RBFOX1: variants seen among roughly 807,000 people sequenced by gnomAD.
The protein encoded by RBFOX1 is RNA binding fox-1 homolog 1, also known as RNA binding protein fox-1 homolog 1.
RBFOX1 carries 8 observed loss-of-function variants against 57.7 expected under a neutral mutation model. That is an observed-to-expected ratio of 0.14 (90% CI 0.08 to 0.25). The LOEUF (loss-of-function observed/expected upper bound fraction) is 0.25. Ranked by LOEUF, RBFOX1 falls within the 10% of genes least tolerant of loss-of-function variation. The pLI is 1.00. For missense variants in RBFOX1, 611 were observed against 548.5 expected (o/e 1.11, Z -1.14); for synonymous variants, 326 against 222.4 (o/e 1.47, Z -4.15).
At chr16:5,520,953 A>C (rs1345216253) in intron 2 of RBFOX1, among the ~76,000 whole-genome samples, 1 of 152,174 alleles carries the variant, frequency 6.6e-6, no homozygotes, top group African/African-American at 2.4e-5. Context: ...GCCACAGCCA[A>C]CTGCAGCCTG....
intron 4 of RBFOX1, among the ~76,000 whole-genome samples, chr16:5,911,591 G>T (rs1455711221): frequency 6.6e-6 from 1 of 152,198 alleles, no homozygotes; most frequent in African/African-American, 2.4e-5. Flanking sequence ...TCTGACGGGG[G>T]GTGCGGAGGC....
chr16:6,249,885 G>A (rs1451726318), intron 1 of RBFOX1, among the ~76,000 whole-genome samples: 3 of 150,816 alleles, frequency 2.0e-5, no homozygotes, highest in Non-Finnish European at 4.4e-5. Context: ...GTAACTCGTC[G>A]TTTAACATTA....
chr16:7,545,022 C>T (rs1384448249), intron 5 of RBFOX1, among the ~76,000 whole-genome samples: 2 of 152,172 alleles, frequency 1.3e-5, no homozygotes, highest in African/African-American at 2.4e-5. Flanking sequence ...CTAAGCCGAG[C>T]AGTACAGTGA....
At chr16:6,601,658 T>C (rs1455394805) in intron 2 of RBFOX1, among the ~76,000 whole-genome samples, 3 of 152,116 alleles carry the variant, frequency 2.0e-5, no homozygotes. Context: ...CAGAGGTACA[T>C]ATTAAAAAGA....
intron 1 of RBFOX1, among the ~76,000 whole-genome samples, chr16:5,419,776 A>G (rs1192855831): frequency 6.6e-6 from 1 of 151,888 alleles, no homozygotes; most frequent in African/African-American, 2.4e-5. Flanking sequence ...CAGAAGGAGA[A>G]GTTGGAGAGA....
chr16:6,132,051 A>C (rs1024902997), intron 1 of RBFOX1, among the ~76,000 whole-genome samples: 1 of 152,214 alleles, frequency 6.6e-6, no homozygotes, highest in Non-Finnish European at 1.5e-5. Flanking sequence ...TATTTTGCCA[A>C]ATAGAAGCTT....
intron 3 of RBFOX1, among the ~76,000 whole-genome samples, chr16:5,726,783 C>G (rs966266371): frequency 6.6e-6 from 1 of 152,212 alleles, no homozygotes; most frequent in African/African-American, 2.4e-5. Context: ...TTATTGTTCG[C>G]TACATGCCAC....
At chr16:5,599,750 A>G (rs935118260) in exon 3 of RBFOX1, 3 of 153,762 alleles carry the variant, frequency 2.0e-5, no homozygotes, top group South Asian at 4.1e-4. Flanking sequence ...AAAGTTTAAC[A>G]TAAAGTGAGT....
intron 3 of RBFOX1, among the ~76,000 whole-genome samples, chr16:6,698,202 A>G (rs564463133): frequency 1.3e-5 from 2 of 152,304 alleles, no homozygotes; most frequent in African/African-American, 4.8e-5. Flanking sequence ...TCGTGCTCCA[A>G]TTTGACAATT....
chr16:7,127,438 C>G (rs977862552), intron 4 of RBFOX1, among the ~76,000 whole-genome samples: 4 of 152,154 alleles, frequency 2.6e-5, no homozygotes, highest in Non-Finnish European at 5.9e-5. Context: ...CTTATATATA[C>G]TGTTATGTCA....
intron 4 of RBFOX1, among the ~76,000 whole-genome samples, chr16:7,448,066 A>C (rs1263087499): frequency 2.0e-5 from 3 of 152,210 alleles, no homozygotes; most frequent in African/African-American, 7.2e-5. Context: ...TGACTAATCT[A>C]AGGGCCACTG....
In RBFOX1 at chr16:6,092,009, A is replaced by G. The variant is rs537702631; in HGVS notation, c.-127+72017A>G. On this transcript the variant is annotated intron_variant, in intron 1 of 15. Transcript: ENST00000550418. ...CATCCACTCATTCCTCCATCTATCT[A>G]CCTACCTGTTCACACATCCACCTAT... Among the ~76,000 whole-genome samples, 251 of 152,060 alleles carry G rather than the reference A, an allele frequency of 1.7e-3. 1 individual carries two copies. The highest frequency in any genetic ancestry group is 3.0e-3 in the Non-Finnish European group (201 of 67,988).
chr16:5,387,558 A>G (rs1477390175), intron 1 of RBFOX1, among the ~76,000 whole-genome samples: 1 of 152,170 alleles, frequency 6.6e-6, no homozygotes, highest in Non-Finnish European at 1.5e-5. Flanking sequence ...GGAATTCCTG[A>G]TATTATATAA....
In RBFOX1 at chr16:5,617,064, C is replaced by T. The variant is rs902966199; in HGVS notation, c.318+18103C>T. On this transcript the variant is annotated intron_variant, in intron 3 of 19. Transcript: ENST00000641259. ...GCGGTTGCTGAGGGGTTGAAATTTC[C>T]CTCAGATCTAGCCATCCATTCCCTC... 4.4e-4 allele frequency among the ~76,000 whole-genome samples: 67 copies of T among 151,998 alleles called. 1 individual carries two copies. Among genetic ancestry groups the T allele is most frequent in the African/African-American group, 1.6e-3 (67 of 41,444 alleles).
At chr16:5,798,687 C>G (rs2151748428) in intron 3 of RBFOX1, among the ~76,000 whole-genome samples, 1 of 152,322 alleles carries the variant, frequency 6.6e-6, no homozygotes, top group Middle Eastern at 3.4e-3. Flanking sequence ...AAGGGACCTT[C>G]TGTTTACTTT....
At position 7,232,980 on chromosome 16, in the gene RBFOX1, C is replaced by G. The variant is rs540759277; in HGVS notation, c.27+180882C>G. Among the ~76,000 whole-genome samples the G allele has an allele frequency of 4.6e-5, 7 of 152,256 alleles. No homozygotes were observed. The South Asian group carries it at 1.0e-3, about 23-fold the overall frequency. On this transcript the variant is annotated intron_variant, in intron 4 of 15. Coordinates refer to ENST00000550418, the MANE Select transcript of RBFOX1 (RefSeq NM_018723.4). ...ACTTGTTCTTCTTTCCCTCTCCACA[C>G]CGGTGATTGTTGTCACCCTGCTTTC...
At chr16:6,591,169 G>T (rs906647390) in intron 2 of RBFOX1, among the ~76,000 whole-genome samples, 1 of 152,214 alleles carries the variant, frequency 6.6e-6, no homozygotes, top group Non-Finnish European at 1.5e-5. Flanking sequence ...AACCTGGCCA[G>T]GCGTGGCTGC....
intron 2 of RBFOX1, among the ~76,000 whole-genome samples, chr16:6,430,252 C>T (rs948787167): frequency 1.3e-5 from 2 of 152,138 alleles, no homozygotes; most frequent in African/African-American, 4.8e-5. Flanking sequence ...CAACGTTGTG[C>T]TGGGCACCAG....
intron 4 of RBFOX1, among the ~76,000 whole-genome samples, chr16:7,513,996 T>C (rs1398958697): frequency 6.6e-6 from 1 of 152,216 alleles, no homozygotes; most frequent in African/African-American, 2.4e-5. Context: ...TCTCTCTCTT[T>C]CTACTTCACT....
Sources: allele counts gnomAD v4.1 joint callset (sites outside exome capture counted in the v4.1 genomes callset), GRCh38; gene constraint gnomAD v4.1.1; transcripts MANE v1.5; gene names NCBI Gene and HGNC (gene_info 2026-07-23, HGNC 2026-07-21).